Variants in DPY19L4 observed in about 807,000 individuals in gnomAD.
DPY19L4 encodes the protein probable C-mannosyltransferase DPY19L4.
A neutral mutation model predicts 102.8 loss-of-function variants in DPY19L4; 97 were observed. The ratio of observed to expected loss-of-function variants is 0.94; its 90% confidence interval spans 0.80 to 1.12. The LOEUF is 1.12. Among genes scored for constraint, DPY19L4 ranks in the 50% most tolerant of loss-of-function variants. DPY19L4 has a pLI of 0.00. For synonymous variants in DPY19L4, 252 were observed against 283.1 expected (o/e 0.89, Z 1.10); for missense variants, 815 against 850.4 (o/e 0.96, Z 0.52).
intron 6 of DPY19L4, chr8:94,745,031 A>G (rs1328477219): frequency 6.3e-6 from 1 of 159,604 alleles, no homozygotes; most frequent in African/African-American, 2.4e-5. Context: ...TTATTTATAT[A>G]TGACTTCTTA....
chr8:94,726,651 G>A (rs7006584), intron 2 of DPY19L4, among the ~76,000 whole-genome samples: 3,950 of 152,188 alleles, frequency 0.026, 174 homozygotes, highest in African/African-American at 0.09. Context: ...TTTGGCTGTC[G>A]TAGTTTTATG....
chr8:94,723,331 GGC>G (rs1223692618), intron 1 of DPY19L4, among the ~76,000 whole-genome samples: 1 of 152,114 alleles, frequency 6.6e-6, no homozygotes. Flanking sequence ...AAATTAGCTG[GGC>G]GTAGTGGCGG....
intron 6 of DPY19L4, among the ~76,000 whole-genome samples, chr8:94,751,897 C>T (rs2130852610): frequency 6.6e-6 from 1 of 152,218 alleles, no homozygotes; most frequent in African/African-American, 2.4e-5. Flanking sequence ...TTTTTTTACT[C>T]AGCATAATTT....
chr8:94,728,300 G>A (rs916462182), intron 2 of DPY19L4, among the ~76,000 whole-genome samples: 2 of 152,232 alleles, frequency 1.3e-5, no homozygotes, highest in African/African-American at 4.8e-5. Flanking sequence ...GTTGGACAGG[G>A]ACAGGATATC....
intron 17 of DPY19L4, among the ~76,000 whole-genome samples, chr8:94,787,056 T>A (rs1813686196): frequency 6.6e-6 from 1 of 152,146 alleles, no homozygotes; most frequent in Non-Finnish European, 1.5e-5. Context: ...GGAATGCTGA[T>A]CTACATTGCA....
chr8:94,721,369 A>G (rs748656029), intron 1 of DPY19L4, among the ~76,000 whole-genome samples: 6 of 152,252 alleles, frequency 3.9e-5, no homozygotes, highest in Non-Finnish European at 8.8e-5. Context: ...GTCCCTATGC[A>G]GGCTTGGTTC....
intron 6 of DPY19L4, among the ~76,000 whole-genome samples, chr8:94,740,837 C>T (rs1182058972): frequency 1.3e-5 from 2 of 152,114 alleles, no homozygotes; most frequent in Non-Finnish European, 2.9e-5. Context: ...TTATCTAATA[C>T]CCAGACCTTA....
intron 16 of DPY19L4, among the ~76,000 whole-genome samples, chr8:94,782,288 G>A (rs1370947083): frequency 6.6e-6 from 1 of 152,168 alleles, no homozygotes; most frequent in Non-Finnish European, 1.5e-5. Context: ...TTGGCCCTCT[G>A]TCTCTCATCA....
chr8:94,742,083 G>A (rs1415482010), intron 6 of DPY19L4, among the ~76,000 whole-genome samples: 2 of 152,222 alleles, frequency 1.3e-5, no homozygotes, highest in African/African-American at 4.8e-5. Flanking sequence ...TTATGGCCGG[G>A]TGCGGTGGCT....
At position 94,793,432 on chromosome 8, in the gene DPY19L4, C is replaced by T. The variant is rs549455778; in HGVS notation, c.*3522C>T. 2.6e-5 allele frequency: 4 copies of T among 152,136 alleles called. No individual in the cohort carries two copies. The highest frequency in any genetic ancestry group is 9.6e-5 in the African/African-American group (4 of 41,514). The allele number at this position is 152,136 out of a possible 1,614,324, so 9.4% of individuals were successfully genotyped here. On this transcript the variant is annotated 3_prime_UTR_variant, in exon 19 of 19. Transcript: ENST00000414645. ...TGGGGTTTTAAAAAGTGTAAATTGCCTTTTTTGTTAAACTTATTTTAAATG... is the reference window on the plus strand; with the variant it reads ...TGGGGTTTTAAAAAGTGTAAATTGCTTTTTTTGTTAAACTTATTTTAAATG...
Position 94,793,800 on chromosome 8 carries a change from C to G in DPY19L4, c.*3890C>G. On this transcript the variant is annotated 3_prime_UTR_variant, in exon 19 of 19. Coordinates refer to ENST00000414645, the MANE Select transcript of DPY19L4 (RefSeq NM_181787.3). ...TGTACATTAATGTCTAAACATTATACTTACTTTTTCATAATAAAGGAAATT... is the reference window on the plus strand; with the variant it reads ...TGTACATTAATGTCTAAACATTATAGTTACTTTTTCATAATAAAGGAAATT... 1 of 152,148 alleles carries G rather than the reference C, an allele frequency of 6.6e-6. No homozygotes were observed. Among genetic ancestry groups the G allele is most frequent in the East Asian group, 1.9e-4 (1 of 5,172 alleles). 9.4% of individuals were successfully genotyped at this position (152,148 alleles called of 1,614,324 possible). A position where few individuals can be genotyped will look rare whatever the true frequency, so the allele number is the denominator to read the frequency against.
chr8:94,719,909 C>T lies in DPY19L4; in HGVS notation c.-90C>T, dbSNP rs1269211424. The T allele has an allele frequency of 7.2e-6, 10 of 1,395,492 alleles. No homozygotes were observed. The East Asian group carries it at 1.5e-4, about 21-fold the overall frequency. 86.4% of individuals were successfully genotyped at this position (1,395,492 alleles called of 1,614,324 possible). On this transcript the variant is annotated 5_prime_UTR_variant, in exon 1 of 19. Transcript: ENST00000414645. The stretch of plus-strand genomic sequence containing the variant: ...TGGGGGCGCGGCGGCCAGGAGCGGG[C>T]CCCCGGAGGCCGAGGGGTTCGGCGA...
chr8:94,758,247 T>C (rs182432428), intron 7 of DPY19L4, among the ~76,000 whole-genome samples: 7 of 152,314 alleles, frequency 4.6e-5, no homozygotes, highest in Admixed American at 4.6e-4. Context: ...TTACTACATT[T>C]TTGACCCCTC....
At chr8:94,788,096 T>TATA in intron 18 of DPY19L4, 44 bp downstream of exon 18, 2 of 745,258 alleles carry the variant, frequency 2.7e-6, no homozygotes, top group East Asian at 6.4e-5. Flanking sequence ...TATATATATA[T>TATA]TTTTTTTTTA....
intron 8 of DPY19L4, among the ~76,000 whole-genome samples, chr8:94,764,312 C>T (rs1300341165): frequency 5.3e-5 from 8 of 152,052 alleles, no homozygotes; most frequent in Admixed American, 5.2e-4. Flanking sequence ...GTGTGTGGCT[C>T]ACGCCTGTAA....
chr8:94,778,988 T>G (rs1051701783), intron 14 of DPY19L4, among the ~76,000 whole-genome samples: 1 of 151,992 alleles, frequency 6.6e-6, no homozygotes, highest in Non-Finnish European at 1.5e-5. Context: ...TGGGAAGAAA[T>G]TGGGATGTGT....
chr8:94,784,789 T>C (rs1379816798), intron 17 of DPY19L4, among the ~76,000 whole-genome samples: 2 of 152,228 alleles, frequency 1.3e-5, no homozygotes, highest in Admixed American at 1.3e-4. Flanking sequence ...ATTTTGTCTT[T>C]CTCAGCTAAA....
chr8:94,766,771 C>T, intron 11 of DPY19L4, 86 bp downstream of exon 11: 1 of 1,241,096 alleles, frequency 8.1e-7, no homozygotes, highest in South Asian at 1.4e-5. Flanking sequence ...GGCATAGTGG[C>T]TCACATCTGT....
intron 16 of DPY19L4, among the ~76,000 whole-genome samples, chr8:94,783,040 C>T (rs957876253): frequency 6.6e-5 from 10 of 151,334 alleles, no homozygotes; most frequent in Non-Finnish European, 1.2e-4. Flanking sequence ...CTATCCCTGG[C>T]GCATAGAGGT....
Sources: gnomAD v4.1 joint callset for allele counts (sites outside exome capture counted in the v4.1 genomes callset) on GRCh38, gnomAD v4.1.1 for gene constraint, MANE v1.5 for transcripts, NCBI Gene and HGNC (gene_info 2026-07-23, HGNC 2026-07-21) for gene names.